Variants in ADAMTSL3 observed in about 807,000 individuals in gnomAD.
The protein encoded by ADAMTSL3 is ADAMTS-like protein 3.
A neutral mutation model predicts 201.7 loss-of-function variants in ADAMTSL3; 128 were observed. That is an observed-to-expected ratio of 0.63 (90% confidence interval 0.55 to 0.73). ADAMTSL3 has a LOEUF of 0.73. Ranked by LOEUF, ADAMTSL3 falls within the 30% of genes least tolerant of loss-of-function variation. The pLI, the probability that ADAMTSL3 is intolerant of heterozygous loss-of-function variation, is 0.00. For missense variants in ADAMTSL3, 1,990 were observed against 2,119.6 expected, an observed-to-expected ratio of 0.94 and a Z score of 1.20; for synonymous variants, 738 against 748.4, an observed-to-expected ratio of 0.99 and a Z score of 0.23.
chr15:83,704,332 C>T lies in ADAMTSL3; in HGVS notation c.70-57C>T, dbSNP rs1047101759. The T allele has an allele frequency of 5.6e-6, 9 of 1,610,918 alleles. No individual in the cohort carries two copies. The Admixed American group carries it at 1.0e-4, about 18-fold the overall frequency. ...CCTGGAATGGCCTTCTTGGACTTTA[C>T]CTGTCAGGGGGTCCTTACTGGAGCC... On this transcript the variant is annotated intron_variant, in intron 2 of 29. Coordinates refer to ENST00000286744, the MANE Select transcript of ADAMTSL3 (RefSeq NM_207517.3).
chr15:83,833,093 C>G (rs1380143165), intron 6 of ADAMTSL3, among the ~76,000 whole-genome samples: 2 of 152,122 alleles, frequency 1.3e-5, no homozygotes, highest in East Asian at 3.8e-4. Flanking sequence ...CATCATAATC[C>G]TATCAAGTAG....
Position 83,838,199 on chromosome 15 carries a change from C to A in ADAMTSL3, c.711C>A (p.His237Gln). The A allele has an allele frequency of 1.9e-6, 3 of 1,612,502 alleles. No individual in the cohort carries two copies. The highest frequency in any genetic ancestry group is 2.5e-6 in the Non-Finnish European group (3 of 1,179,370). Reference protein sequence around the residue: ...CRLVRGQSKSHVSPEKREENV... With the variant: ...CRLVRGQSKSQVSPEKREENV... ...TTGTACGGGGACAATCAAAGTCACACGTTTCTCCTGAAAAAAGTAGGTTTT... is the reference window on the plus strand; with the variant it reads ...TTGTACGGGGACAATCAAAGTCACAAGTTTCTCCTGAAAAAAGTAGGTTTT... Residue 237 changes from histidine (H) to glutamine (Q), a missense_variant, in exon 7 of 30, where the codon CAC (histidine) becomes CAA (glutamine). Transcript: ENST00000286744.
chr15:83,999,253 T>C (rs1290205650), intron 23 of ADAMTSL3, among the ~76,000 whole-genome samples: 1 of 152,188 alleles, frequency 6.6e-6, no homozygotes, highest in East Asian at 1.9e-4. Flanking sequence ...AATAAACCCT[T>C]CTCTTGTTTT....
intron 17 of ADAMTSL3, among the ~76,000 whole-genome samples, chr15:83,939,687 T>C (rs2066520295): frequency 6.6e-6 from 1 of 151,874 alleles, no homozygotes; most frequent in Non-Finnish European, 1.5e-5. Context: ...AGTGGCCTGA[T>C]CTCAGCTCAC....
At chr15:83,698,458 T>A (rs2061718143) in intron 2 of ADAMTSL3, among the ~76,000 whole-genome samples, 1 of 152,202 alleles carries the variant, frequency 6.6e-6, no homozygotes. Flanking sequence ...CTGTGGACAG[T>A]GGCTGGTGGA....
chr15:83,882,511 T>C (rs994914322), intron 9 of ADAMTSL3, among the ~76,000 whole-genome samples: 1 of 152,226 alleles, frequency 6.6e-6, no homozygotes, highest in African/African-American at 2.4e-5. Flanking sequence ...ACTTCTGTAT[T>C]TATATTAGTT....
chr15:83,745,144 G>A (rs562432074), intron 3 of ADAMTSL3, among the ~76,000 whole-genome samples: 10 of 152,304 alleles, frequency 6.6e-5, no homozygotes, highest in Middle Eastern at 3.4e-3. Flanking sequence ...TCGGCTGGGC[G>A]GCTTGACAAC....
intron 25 of ADAMTSL3, among the ~76,000 whole-genome samples, chr15:84,016,906 G>A (rs1280712148): frequency 1.3e-5 from 2 of 152,032 alleles, no homozygotes; most frequent in Non-Finnish European, 2.9e-5. Context: ...TTATGCATCA[G>A]TGCTTAATCA....
chr15:83,908,546 A>G (rs1240046868), intron 15 of ADAMTSL3, among the ~76,000 whole-genome samples: 4 of 152,212 alleles, frequency 2.6e-5, no homozygotes, highest in African/African-American at 9.6e-5. Context: ...GTTTTACTGG[A>G]CATAATATTC....
Position 83,885,158 on chromosome 15 carries a change from A to T in ADAMTSL3, c.1018A>T (p.Ser340Cys). The T allele has an allele frequency of 1.2e-6, 2 of 1,614,172 alleles. No individual in the cohort carries two copies. Among genetic ancestry groups the T allele is most frequent in the Non-Finnish European group, 1.7e-6 (2 of 1,180,012 alleles). Residue 340 changes from serine (S) to cysteine (C), a missense_variant, in exon 10 of 30, where the codon AGT (serine) becomes TGT (cysteine). Physicochemically the swap from Ser to Cys is moderately radical, Grantham distance 112. Coordinates refer to ENST00000286744, the MANE Select transcript of ADAMTSL3 (RefSeq NM_207517.3). ...TCAGTTCTTCTTTTACCAGCCCATC[A>T]GTCATCAGTGGAGACAAACTGACTT... ...VVQFFFYQPI[S>C]HQWRQTDFFP...
At chr15:83,940,434 C>G (rs1230098454) in intron 17 of ADAMTSL3, among the ~76,000 whole-genome samples, 1 of 152,138 alleles carries the variant, frequency 6.6e-6, no homozygotes, top group Non-Finnish European at 1.5e-5. Context: ...GACTTGCAGA[C>G]AGCAGATGTC....
intron 19 of ADAMTSL3, among the ~76,000 whole-genome samples, chr15:83,964,861 C>G (rs1335747380): frequency 6.6e-6 from 1 of 152,134 alleles, no homozygotes; most frequent in Non-Finnish European, 1.5e-5. Context: ...AGAATGGGGC[C>G]AATATTCAAC....
chr15:83,875,655 C>T (rs967563936), intron 9 of ADAMTSL3, among the ~76,000 whole-genome samples: 6 of 152,046 alleles, frequency 3.9e-5, no homozygotes, highest in Non-Finnish European at 5.9e-5. Context: ...TGGTGGCACG[C>T]GCCTGTAATC....
chr15:83,983,868 G>A (rs556786301), intron 21 of ADAMTSL3, among the ~76,000 whole-genome samples: 2 of 152,246 alleles, frequency 1.3e-5, no homozygotes, highest in Admixed American at 6.5e-5. Flanking sequence ...ACCAAGGGCC[G>A]TATCTCTTGA....
chr15:83,763,766 A>G (rs1053366992), intron 3 of ADAMTSL3, among the ~76,000 whole-genome samples: 5 of 152,180 alleles, frequency 3.3e-5, no homozygotes, highest in Admixed American at 3.3e-4. Flanking sequence ...TGGCCTCCCA[A>G]AGTGCTGGGA....
chr15:83,957,978 A>G (rs2066892377), intron 19 of ADAMTSL3, among the ~76,000 whole-genome samples: 3 of 152,230 alleles, frequency 2.0e-5, no homozygotes, highest in Admixed American at 1.3e-4. Flanking sequence ...CCTCATTAAA[A>G]AACAAAAAGC....
chr15:83,998,948 C>T (rs2067739305), intron 23 of ADAMTSL3, among the ~76,000 whole-genome samples: 6 of 152,314 alleles, frequency 3.9e-5, no homozygotes, highest in Admixed American at 1.3e-4. Context: ...GGCCAAGTTC[C>T]GAACCCAGTT....
intron 16 of ADAMTSL3, among the ~76,000 whole-genome samples, chr15:83,915,280 G>C (rs753176827): frequency 1.3e-5 from 2 of 152,160 alleles, no homozygotes; most frequent in Admixed American, 1.3e-4. Context: ...AGTTGGGAAA[G>C]CATAGCATGC....
intron 25 of ADAMTSL3, among the ~76,000 whole-genome samples, chr15:84,019,078 C>CACAT (rs2068145160): frequency 9.5e-6 from 1 of 105,470 alleles, no homozygotes; most frequent in Non-Finnish European, 2.5e-5. Flanking sequence ...CACACACATA[C>CACAT]ACACACACAC....
Sources: allele counts gnomAD v4.1 joint callset (sites outside exome capture counted in the v4.1 genomes callset), GRCh38; gene constraint gnomAD v4.1.1; transcripts MANE v1.5; gene names NCBI Gene and HGNC (gene_info 2026-07-23, HGNC 2026-07-21).